The following ZDHHC14 variants were observed in gnomAD, a reference collection of about 807,000 sequenced individuals.
The protein encoded by ZDHHC14 is zDHHC palmitoyltransferase 14, also known as palmitoyltransferase ZDHHC14.
ZDHHC14 carries 16 observed loss-of-function variants against 47.7 expected under a neutral mutation model. The observed-to-expected ratio is 0.34, with a 90% CI of 0.23 to 0.51. The LOEUF is 0.51. Ranked by LOEUF, ZDHHC14 falls within the 20% of genes least tolerant of loss-of-function variation. The pLI, the probability that ZDHHC14 is intolerant of heterozygous loss-of-function variation, is 0.97. For synonymous variants in ZDHHC14, 293 were observed against 278.9 expected (o/e 1.05, Z -0.50); for missense variants, 515 against 662.5 (o/e 0.78, Z 2.44).
chr6:157,484,269 GTATATATACGTATATATATATGTGTATA>G (rs1779703736), intron 1 of ZDHHC14, among the ~76,000 whole-genome samples: 1 of 131,464 alleles, frequency 7.6e-6, no homozygotes, highest in East Asian at 2.3e-4. Context: ...ATATATATAT[GTATATATACGTATATATATATGTGTATA>G]TATATATACA....
At chr6:157,524,323 G>A (rs1781077507) in intron 1 of ZDHHC14, among the ~76,000 whole-genome samples, 1 of 151,936 alleles carries the variant, frequency 6.6e-6, no homozygotes. Context: ...TAGTAGAGAT[G>A]GGGTTTCACC....
intron 1 of ZDHHC14, among the ~76,000 whole-genome samples, chr6:157,406,125 T>C (rs965976074): frequency 6.6e-6 from 1 of 152,204 alleles, no homozygotes; most frequent in Non-Finnish European, 1.5e-5. Flanking sequence ...TCGTATCAGC[T>C]CCAGAGCGTG....
chr6:157,382,159 A>G lies in ZDHHC14; in HGVS notation c.138A>G (p.Arg46=). 6.2e-7 allele frequency: 1 copy of G among 1,613,762 alleles called. No individual in the cohort carries two copies. The highest frequency in any genetic ancestry group is 8.5e-7 in the Non-Finnish European group (1 of 1,179,888). ...GGAAATGGGAGGTGTTCCCGGGAAG[A>G]AACAAGTTCTTCTGTAACGGGAGGA... The part of the protein sequence containing the change: ...ARRKWEVFPG[R]NKFFCNGRIM... Residue 46 remains arginine (R), a synonymous_variant, in exon 1 of 9, where the codon AGA becomes AGG. Coordinates refer to ENST00000359775, the MANE Select transcript of ZDHHC14 (RefSeq NM_024630.3).
intron 1 of ZDHHC14, among the ~76,000 whole-genome samples, chr6:157,422,538 C>A (rs1778132512): frequency 6.6e-6 from 1 of 152,152 alleles, no homozygotes; most frequent in African/African-American, 2.4e-5. Flanking sequence ...AGTGGGAAGA[C>A]CATCAGTGGC....
At position 157,663,142 on chromosome 6, in the gene ZDHHC14, G is replaced by A. The variant is rs554528457; in HGVS notation, c.1068+9515G>A. Among the ~76,000 whole-genome samples the A allele has an allele frequency of 1.1e-4, 17 of 152,368 alleles. 1 individual carries two copies. The South Asian group carries it at 2.3e-3, about 20-fold the overall frequency. On this transcript the variant is annotated intron_variant, in intron 8 of 8. Transcript: ENST00000359775. ...ATGCCCTCCCTACACTGCCTTTGCT[G>A]TGAGAAACCCAGGTTGCTTCTGGAA...
chr6:157,671,628 C>T (rs1314497291), intron 8 of ZDHHC14, among the ~76,000 whole-genome samples: 2 of 152,188 alleles, frequency 1.3e-5, no homozygotes, highest in Non-Finnish European at 2.9e-5. Flanking sequence ...TGGAAATGTG[C>T]TTACACTATC....
intron 2 of ZDHHC14, among the ~76,000 whole-genome samples, chr6:157,572,060 A>G (rs956311848): frequency 5.3e-5 from 8 of 152,092 alleles, no homozygotes; most frequent in Admixed American, 1.3e-4. Flanking sequence ...TTCATTTCTA[A>G]TAAGCTTCCT....
intron 1 of ZDHHC14, among the ~76,000 whole-genome samples, chr6:157,457,795 G>A (rs541253152): frequency 6.6e-6 from 1 of 152,266 alleles, no homozygotes; most frequent in African/African-American, 2.4e-5. Flanking sequence ...CCACTGCCTG[G>A]CCTCTACCAC....
intron 5 of ZDHHC14, among the ~76,000 whole-genome samples, chr6:157,636,949 T>G (rs1298320426): frequency 6.6e-6 from 1 of 152,216 alleles, no homozygotes; most frequent in African/African-American, 2.4e-5. Flanking sequence ...ACAGGGTGCT[T>G]TCTGTTTGAA....
At chr6:157,558,108 T>G (rs912679414) in intron 2 of ZDHHC14, among the ~76,000 whole-genome samples, 1 of 152,216 alleles carries the variant, frequency 6.6e-6, no homozygotes, top group Admixed American at 6.5e-5. Context: ...TGTAAAGATA[T>G]TTAAAGTATT....
intron 1 of ZDHHC14, among the ~76,000 whole-genome samples, chr6:157,492,055 C>A (rs368743115): frequency 6.6e-6 from 1 of 152,180 alleles, no homozygotes; most frequent in Non-Finnish European, 1.5e-5. Flanking sequence ...CACCAGTTGC[C>A]GGTGTTGGTT....
At chr6:157,403,214 G>T (rs1777680098) in intron 1 of ZDHHC14, among the ~76,000 whole-genome samples, 1 of 152,128 alleles carries the variant, frequency 6.6e-6, no homozygotes, top group Admixed American at 6.5e-5. Flanking sequence ...CTCTTGGATG[G>T]GAAAGGGGTT....
chr6:157,602,579 T>G (rs956892879), intron 3 of ZDHHC14, among the ~76,000 whole-genome samples: 3 of 151,330 alleles, frequency 2.0e-5, no homozygotes, highest in Non-Finnish European at 4.4e-5. Flanking sequence ...GTCCCTATGC[T>G]GAGTTGCCAA....
chr6:157,564,319 C>T (rs1782822288), intron 2 of ZDHHC14, among the ~76,000 whole-genome samples: 2 of 152,128 alleles, frequency 1.3e-5, no homozygotes, highest in Admixed American at 1.3e-4. Flanking sequence ...ACACCAGGAA[C>T]CTGAGCAGGT....
At chr6:157,539,946 C>T (rs1465784218) in intron 1 of ZDHHC14, among the ~76,000 whole-genome samples, 3 of 152,208 alleles carry the variant, frequency 2.0e-5, no homozygotes, top group African/African-American at 7.2e-5. Context: ...AGAGAAGTCA[C>T]TAGACCTGCC....
chr6:157,432,335 T>C (rs1778355179), intron 1 of ZDHHC14, among the ~76,000 whole-genome samples: 1 of 152,232 alleles, frequency 6.6e-6, no homozygotes, highest in South Asian at 2.1e-4. Context: ...GTTGAATGAA[T>C]AATCAGATTA....
intron 1 of ZDHHC14, among the ~76,000 whole-genome samples, chr6:157,390,846 A>C (rs1207647076): frequency 2.0e-5 from 3 of 152,170 alleles, no homozygotes; most frequent in Non-Finnish European, 4.4e-5. Context: ...CAACATCTAC[A>C]TCATCTCTGA....
At chr6:157,561,606 C>T (rs558440010) in intron 2 of ZDHHC14, among the ~76,000 whole-genome samples, 10 of 152,176 alleles carry the variant, frequency 6.6e-5, no homozygotes, top group Admixed American at 1.3e-4. Flanking sequence ...AAACTATACA[C>T]GCACACCTGG....
At chr6:157,462,443 C>T (rs75939422) in intron 1 of ZDHHC14, among the ~76,000 whole-genome samples, 23,542 of 152,146 alleles carry the variant, frequency 0.15, 2,373 homozygotes, top group Middle Eastern at 0.23. Flanking sequence ...ATAAGAAAAG[C>T]GATTTTTCTT....
Sources: allele counts gnomAD v4.1 joint callset (sites outside exome capture counted in the v4.1 genomes callset), GRCh38; gene constraint gnomAD v4.1.1; transcripts MANE v1.5; gene names NCBI Gene and HGNC (gene_info 2026-07-23, HGNC 2026-07-21).